The following NDRG3 variants were observed in gnomAD, a reference collection of about 807,000 sequenced individuals.
NDRG3 encodes NDRG family member 3.
In NDRG3, 23 loss-of-function variants were observed where a neutral mutation model predicts 57.2. The observed-to-expected ratio is 0.40, with a 90% CI of 0.29 to 0.57. The LOEUF (loss-of-function observed/expected upper bound fraction) is 0.57, where lower values mean the gene tolerates loss of function less well. Ranked by LOEUF, NDRG3 falls within the 20% of genes least tolerant of loss-of-function variation. The pLI, the probability that NDRG3 is intolerant of heterozygous loss-of-function variation, is 0.42. For missense variants in NDRG3, 384 were observed against 457.3 expected (o/e 0.84, Z 1.46); for synonymous variants, 132 against 162.6 (o/e 0.81, Z 1.43).
At position 36,680,752 on chromosome 20, in the gene NDRG3, A is replaced by AAAC. The variant is rs1054687455; in HGVS notation, c.531+61_531+63dup. The AAAC allele has an allele frequency of 3.0e-5, 40 of 1,324,716 alleles. No individual in the cohort carries two copies. In the African/African-American group the frequency reaches 5.1e-4, roughly 17 times the overall value. The allele number at this position is 1,324,716 out of a possible 1,614,324, so 82.1% of individuals were successfully genotyped here. A position where few individuals can be genotyped will look rare whatever the true frequency, so the allele number is the denominator to read the frequency against. On this transcript the variant is annotated intron_variant, in intron 8 of 15. Coordinates refer to ENST00000349004, the MANE Select transcript of NDRG3 (RefSeq NM_032013.4). ...TTAACTGTATATATACCTCAATGAA[A>AAAC]AACTGGTAAGCTGTTTTGAGATGGG...
intron 8 of NDRG3, among the ~76,000 whole-genome samples, chr20:36,674,907 T>C (rs1980524136): frequency 7.2e-6 from 1 of 138,386 alleles, no homozygotes; most frequent in African/African-American, 2.7e-5. Context: ...TTTTTTTTTT[T>C]TTTTTTTTTG....
intron 3 of NDRG3, among the ~76,000 whole-genome samples, chr20:36,696,410 A>T (rs2148145008): frequency 6.6e-6 from 1 of 151,116 alleles, no homozygotes; most frequent in South Asian, 2.1e-4. Flanking sequence ...TGAACTTCTA[A>T]GCTCAAGCAA....
intron 2 of NDRG3, among the ~76,000 whole-genome samples, chr20:36,720,406 C>A (rs150645708): frequency 9.4e-4 from 143 of 152,224 alleles, no homozygotes; most frequent in African/African-American, 3.2e-3. Context: ...CTCCTGACCT[C>A]AAGTGATCCG....
intron 3 of NDRG3, among the ~76,000 whole-genome samples, chr20:36,697,708 C>CAA (rs909080495): frequency 1.2e-5 from 1 of 85,138 alleles, no homozygotes; most frequent in African/African-American, 4.1e-5. Flanking sequence ...AACTCTGTCT[C>CAA]AAAAAAAAAA....
chr20:36,684,647 C>T (rs961989040), intron 5 of NDRG3, among the ~76,000 whole-genome samples, 172 bp from the exon 6 acceptor site: 2 of 152,082 alleles, frequency 1.3e-5, no homozygotes, highest in African/African-American at 4.8e-5. Context: ...GTTGGGAGTT[C>T]GAGACCAGCC....
chr20:36,667,251 C>A (rs1348058459), intron 9 of NDRG3, among the ~76,000 whole-genome samples: 1 of 151,756 alleles, frequency 6.6e-6, no homozygotes, highest in Non-Finnish European at 1.5e-5. Context: ...TTTAGTAATT[C>A]ATTATTTATT....
intron 1 of NDRG3, among the ~76,000 whole-genome samples, 194 bp downstream of exon 1, chr20:36,745,851 C>G (rs1303459555): frequency 1.7e-5 from 2 of 120,242 alleles, no homozygotes; most frequent in Non-Finnish European, 3.4e-5. Context: ...CGAGGAAAGC[C>G]GGGCTGACCT....
chr20:36,720,069 T>C (rs1450178360), intron 2 of NDRG3, among the ~76,000 whole-genome samples: 2 of 147,068 alleles, frequency 1.4e-5, no homozygotes, highest in Non-Finnish European at 3.0e-5. Context: ...ATTGTACCAC[T>C]GCACTCCAGC....
chr20:36,746,079 A>AGCGGCGGCGGCGGCGGCGGCG lies in NDRG3; in HGVS notation c.-84_-83insCGCCGCCGCCGCCGCCGCCGC, dbSNP rs11466997. ...GGGCACCCGCCGTCAGTGCAGCAGC[A>AGCGGCGGCGGCGGCGGCGGCG]GCGGCGGCGGCGGCGGCGGCGGCGG... On this transcript the variant is annotated 5_prime_UTR_variant, in exon 1 of 16. Coordinates refer to ENST00000349004, the MANE Select transcript of NDRG3 (RefSeq NM_032013.4). The AGCGGCGGCGGCGGCGGCGGCG allele has an allele frequency of 3.7e-5, 9 of 244,690 alleles. No homozygotes were observed. The highest frequency in any genetic ancestry group is 2.9e-4 in the Admixed American group (5 of 17,234). The allele number at this position is 244,690 out of a possible 1,614,324, so 15.2% of individuals were successfully genotyped here.
intron 1 of NDRG3, among the ~76,000 whole-genome samples, chr20:36,736,523 T>C (rs1362541185): frequency 6.6e-6 from 1 of 152,206 alleles, no homozygotes; most frequent in Non-Finnish European, 1.5e-5. Flanking sequence ...GTCTAGAAGA[T>C]GCACAATTAT....
rs563739588 is a variant in NDRG3 at position 36,697,527 on chromosome 20, C to G, written c.94-8743G>C. On this transcript the variant is annotated intron_variant, in intron 3 of 15. Coordinates refer to ENST00000349004, the MANE Select transcript of NDRG3 (RefSeq NM_032013.4). ...TTTGAGACCAGCCTGGCCAGTATGG[C>G]GAAACCCCATCTCTACTAAAAAATA... Among the ~76,000 whole-genome samples, 24 of 152,056 alleles carry G rather than the reference C, an allele frequency of 1.6e-4. No individual in the cohort carries two copies. The South Asian group carries it at 4.8e-3, about 30-fold the overall frequency.
At chr20:36,696,496 CT>C (rs947816960) in intron 3 of NDRG3, among the ~76,000 whole-genome samples, 3 of 151,232 alleles carry the variant, frequency 2.0e-5, no homozygotes, top group Non-Finnish European at 2.9e-5. Context: ...CTTTTTCTTT[CT>C]TTTTTTTCTT....
chr20:36,712,383 TTTTC>T (rs1325688692), intron 2 of NDRG3, among the ~76,000 whole-genome samples: 5 of 143,412 alleles, frequency 3.5e-5, no homozygotes, highest in Admixed American at 6.9e-5. Flanking sequence ...ACTTGTTTCT[TTTTC>T]TTTTTCTTTT....
At chr20:36,696,518 G>A (rs192372047) in intron 3 of NDRG3, among the ~76,000 whole-genome samples, 110 of 150,938 alleles carry the variant, frequency 7.3e-4, no homozygotes, top group African/African-American at 2.5e-3. Context: ...TTTTTGAGAC[G>A]GAGTCTTGTT....
At chr20:36,675,638 G>A (rs1216570692) in intron 8 of NDRG3, among the ~76,000 whole-genome samples, 1 of 151,224 alleles carries the variant, frequency 6.6e-6, no homozygotes, top group Non-Finnish European at 1.5e-5. Flanking sequence ...TGCCCACCTC[G>A]GCCTCCCAAA....
At chr20:36,664,403 G>A (rs1979444964) in intron 12 of NDRG3, among the ~76,000 whole-genome samples, 1 of 152,130 alleles carries the variant, frequency 6.6e-6, no homozygotes. Flanking sequence ...TTCAGAAGGA[G>A]GCAGAGGTGG....
At chr20:36,656,459 G>A (rs369506201) in intron 14 of NDRG3, 38 bp downstream of exon 14, 1 of 1,614,094 alleles carries the variant, frequency 6.2e-7, no homozygotes, top group Non-Finnish European at 8.5e-7. Flanking sequence ...AGACAGAGAA[G>A]CAGAATTAAA....
intron 1 of NDRG3, among the ~76,000 whole-genome samples, chr20:36,740,339 TCAA>T (rs1985865935): frequency 6.6e-6 from 1 of 152,214 alleles, no homozygotes; most frequent in African/African-American, 2.4e-5. Context: ...CAGTTGGCCA[TCAA>T]CAACAATTTT....
intron 8 of NDRG3, among the ~76,000 whole-genome samples, chr20:36,678,351 A>G (rs1308800622): frequency 1.3e-5 from 2 of 152,204 alleles, no homozygotes; most frequent in Non-Finnish European, 2.9e-5. Flanking sequence ...TCAAGAAAAG[A>G]TGCTTGACAT....
Sources: gnomAD v4.1 joint callset for allele counts (sites outside exome capture counted in the v4.1 genomes callset) on GRCh38, gnomAD v4.1.1 for gene constraint, MANE v1.5 for transcripts, NCBI Gene and HGNC (gene_info 2026-07-23, HGNC 2026-07-21) for gene names.